Variants in TRMT9B observed in about 807,000 individuals in gnomAD.
TRMT9B encodes probable tRNA methyltransferase 9B.
A neutral mutation model predicts 11.5 loss-of-function variants in TRMT9B; 16 were observed. That is an observed-to-expected ratio of 1.39 (90% CI 0.94 to 2.11). The LOEUF is 2.11. Among genes scored for constraint, TRMT9B ranks in the 30% most tolerant of loss-of-function variants. The pLI, the probability that TRMT9B is intolerant of heterozygous loss-of-function variation, is 0.00. For missense variants in TRMT9B, 941 were observed against 553.8 expected (o/e 1.70, Z -7.02); for synonymous variants, 274 against 192.4 (o/e 1.42, Z -3.51).
intron 2 of TRMT9B, among the ~76,000 whole-genome samples, chr8:13,000,888 T>C (rs1809307407): frequency 6.6e-6 from 1 of 152,136 alleles, no homozygotes. Context: ...AGGGTATGGA[T>C]TTGAGATTCA....
intron 3 of TRMT9B, chr8:13,011,890 G>T (rs1008519318): frequency 5.1e-6 from 5 of 984,330 alleles, no homozygotes; most frequent in Non-Finnish European, 6.0e-6. Flanking sequence ...AATTTGAAAG[G>T]CATGTTTTAG....
chr8:13,007,791 GAGTTACTTTCTCACACCTTAC>G (rs1172122220), intron 3 of TRMT9B: 1 of 152,080 alleles, frequency 6.6e-6, no homozygotes, highest in Non-Finnish European at 1.5e-5. Context: ...TATAATCAGA[GAGTTACTTTCTCACACCTTAC>G]ATCAAAATAA....
chr8:12,966,777 C>G (rs1802879385), intron 1 of TRMT9B, among the ~76,000 whole-genome samples: 1 of 152,168 alleles, frequency 6.6e-6, no homozygotes, highest in African/African-American at 2.4e-5. Flanking sequence ...GTTAGGGGAA[C>G]CATCCTGTTC....
chr8:12,984,983 A>T (rs1405430145), intron 1 of TRMT9B, among the ~76,000 whole-genome samples: 8 of 130,194 alleles, frequency 6.1e-5, no homozygotes, highest in African/African-American at 2.4e-4. Context: ...ACACACACAC[A>T]CACACTCTCT....
rs1217570106 is a variant in TRMT9B at position 13,024,839 on chromosome 8, G to A, written c.*2795G>A. 1 of 166,906 alleles carries A rather than the reference G, an allele frequency of 6.0e-6. No individual in the cohort carries two copies. Among genetic ancestry groups the A allele is most frequent in the Admixed American group, 6.5e-5 (1 of 15,288 alleles). The allele number at this position is 166,906 out of a possible 1,614,324, so 10.3% of individuals were successfully genotyped here. On this transcript the variant is annotated 3_prime_UTR_variant, in exon 5 of 5. Transcript: ENST00000524591. ...TTTGTATACAAATATTTAATTTGGT[G>A]ATTGATAATCTCTCTTTGGGGTAGT...
intron 1 of TRMT9B, among the ~76,000 whole-genome samples, chr8:12,978,485 C>A (rs1260702718): frequency 7.3e-6 from 1 of 136,602 alleles, no homozygotes; most frequent in African/African-American, 2.8e-5. Flanking sequence ...TGCTGCTAAC[C>A]CGCGACAGAG....
chr8:13,020,776 T>A (rs1161629346), intron 4 of TRMT9B, among the ~76,000 whole-genome samples: 3 of 152,206 alleles, frequency 2.0e-5, no homozygotes, highest in Non-Finnish European at 2.9e-5. Context: ...AACTTAAATA[T>A]CTTGCCCAAG....
At chr8:12,965,582 T>C (rs925844008) in intron 1 of TRMT9B, among the ~76,000 whole-genome samples, 2 of 152,082 alleles carry the variant, frequency 1.3e-5, no homozygotes, top group African/African-American at 4.8e-5. Flanking sequence ...TCTTCATATT[T>C]TTGATAGGAT....
intron 4 of TRMT9B, among the ~76,000 whole-genome samples, chr8:13,020,499 C>G (rs1396082525): frequency 6.6e-6 from 1 of 152,194 alleles, no homozygotes; most frequent in African/African-American, 2.4e-5. Flanking sequence ...AGCTGCTGAT[C>G]TTTGCATTAT....
intron 3 of TRMT9B, chr8:13,011,382 T>C (rs1286167381): frequency 3.0e-6 from 3 of 985,292 alleles, no homozygotes; most frequent in Non-Finnish European, 3.6e-6. Context: ...TGAAAGTGCC[T>C]AGTAAGGAGG....
intron 3 of TRMT9B, chr8:13,011,844 TA>T: frequency 5.1e-6 from 5 of 971,388 alleles, no homozygotes; most frequent in Non-Finnish European, 6.1e-6. Context: ...AAAACAATGT[TA>T]AAAATTCTTT....
rs1814307782 is a variant in TRMT9B at position 13,023,776 on chromosome 8, G to A, written c.*1732G>A. 6.0e-6 allele frequency: 1 copy of A among 166,322 alleles called. No homozygotes were observed. Among genetic ancestry groups the A allele is most frequent in the African/African-American group, 2.4e-5 (1 of 41,392 alleles). 10.3% of individuals were successfully genotyped at this position (166,322 alleles called of 1,614,324 possible). Reference sequence around the variant, plus strand: ...TTCTTGGGTTCTTTTTTCCTTTAATGATTGTGCTATAACTTAAAATAATGA... The same window carrying A: ...TTCTTGGGTTCTTTTTTCCTTTAATAATTGTGCTATAACTTAAAATAATGA... On this transcript the variant is annotated 3_prime_UTR_variant, in exon 5 of 5. Coordinates refer to ENST00000524591, the MANE Select transcript of TRMT9B (RefSeq NM_020844.3).
chr8:12,946,762 G>A (rs1369981224), intron 1 of TRMT9B, among the ~76,000 whole-genome samples: 2 of 152,126 alleles, frequency 1.3e-5, no homozygotes, highest in African/African-American at 4.8e-5. Context: ...ATGAGACTTG[G>A]CAGGACTACT....
At chr8:12,983,616 G>A (rs561510577) in intron 1 of TRMT9B, among the ~76,000 whole-genome samples, 26 of 152,292 alleles carry the variant, frequency 1.7e-4, no homozygotes, top group African/African-American at 5.8e-4. Flanking sequence ...GTAGCAGTGA[G>A]CCAAGATGGT....
intron 1 of TRMT9B, among the ~76,000 whole-genome samples, chr8:12,986,995 G>A (rs1315078195): frequency 6.6e-6 from 1 of 152,162 alleles, no homozygotes; most frequent in African/African-American, 2.4e-5. Flanking sequence ...AAATAATTCA[G>A]TGGTTCCCCA....
chr8:13,019,986 T>C (rs1813510951), intron 4 of TRMT9B, among the ~76,000 whole-genome samples: 1 of 152,226 alleles, frequency 6.6e-6, no homozygotes, highest in South Asian at 2.1e-4. Flanking sequence ...ACAAAATGTA[T>C]CTGTTGAGTG....
At chr8:12,967,430 C>T (rs1042803998) in intron 1 of TRMT9B, among the ~76,000 whole-genome samples, 6 of 152,152 alleles carry the variant, frequency 3.9e-5, no homozygotes, top group Non-Finnish European at 8.8e-5. Context: ...CAGACCATAA[C>T]GAAATGGCAG....
In TRMT9B at chr8:13,021,116, A is replaced by G. The variant is rs1353609944; in HGVS notation, c.437A>G (p.Gln146Arg). 2 of 1,612,730 alleles carry G rather than the reference A, an allele frequency of 1.2e-6. No individual in the cohort carries two copies. Among genetic ancestry groups the G allele is most frequent in the Non-Finnish European group, 8.5e-7 (1 of 1,179,200 alleles). ...QLMIYVWAME[Q>R]KNRHFEKQDV... is the part of the protein sequence containing the mutation. ...ATGATTTACGTTTGGGCAATGGAAC[A>G]AAAGAACCGTCACTTTGAGAAGCAA... is the stretch of plus-strand genomic sequence containing the variant. The change falls in exon 5 of 5, where the codon CAA becomes CGA. Residue 146 changes from glutamine (Q) to arginine (R), a missense_variant. Transcript: ENST00000524591.
intron 2 of TRMT9B, 145 bp downstream of exon 2, chr8:12,991,176 C>T: frequency 3.7e-6 from 1 of 267,864 alleles, no homozygotes. Flanking sequence ...TTTATTTTTG[C>T]ATGAGGTGGA....
Sources: allele counts gnomAD v4.1 joint callset (sites outside exome capture counted in the v4.1 genomes callset), GRCh38; gene constraint gnomAD v4.1.1; transcripts MANE v1.5; gene names NCBI Gene and HGNC (gene_info 2026-07-23, HGNC 2026-07-21).